HCN1: variants seen among roughly 807,000 people sequenced by gnomAD.
The protein encoded by HCN1 is hyperpolarization activated cyclic nucleotide gated potassium channel 1.
Under a neutral mutation model 78.9 loss-of-function variants are expected in HCN1, and 13 were observed. The observed-to-expected ratio is 0.16, with a 90% CI of 0.11 to 0.26. The LOEUF (loss-of-function observed/expected upper bound fraction) is 0.26, where lower values mean the gene tolerates loss of function less well. Ranked by LOEUF, HCN1 falls within the 10% of genes least tolerant of loss-of-function variation. HCN1 has a pLI of 1.00. For missense variants in HCN1, 810 were observed against 1,154.3 expected, an observed-to-expected ratio of 0.70 and a Z score of 4.32; for synonymous variants, 552 against 455.5, an observed-to-expected ratio of 1.21 and a Z score of -2.70.
intron 2 of HCN1, among the ~76,000 whole-genome samples, chr5:45,498,081 G>A (rs569940630): frequency 3.4e-4 from 52 of 152,124 alleles, no homozygotes; most frequent in Non-Finnish European, 5.1e-4. Flanking sequence ...TGCTCTTCTC[G>A]AGGAGTATCT....
intron 5 of HCN1, among the ~76,000 whole-genome samples, chr5:45,333,468 G>A (rs1013065428): frequency 1.3e-5 from 2 of 151,268 alleles, no homozygotes; most frequent in South Asian, 2.1e-4. Flanking sequence ...TTCTTTTAAC[G>A]TCCAGAAGCT....
intron 1 of HCN1, among the ~76,000 whole-genome samples, chr5:45,664,044 A>G (rs1280771550): frequency 3.0e-5 from 4 of 135,294 alleles, no homozygotes; most frequent in African/African-American, 1.1e-4. Context: ...AATAGCAAAG[A>G]CTTGGAACCA....
In HCN1 at chr5:45,350,802, G is replaced by A. The variant is rs566974926; in HGVS notation, c.1377+2298C>T. ...TGCTTCAAAGAGAATAAAATACCTG[G>A]GAATCCAACTTACAAGGGACGTGAA... On this transcript the variant is annotated intron_variant, in intron 5 of 7. Coordinates refer to ENST00000303230, the MANE Select transcript of HCN1 (RefSeq NM_021072.4). Among the ~76,000 whole-genome samples, 26 of 152,096 alleles carry A rather than the reference G, an allele frequency of 1.7e-4. 1 individual carries two copies. The highest frequency in any genetic ancestry group is 6.3e-4 in the African/African-American group (26 of 41,468).
At chr5:45,546,012 A>G (rs932687821) in intron 2 of HCN1, among the ~76,000 whole-genome samples, 5 of 152,036 alleles carry the variant, frequency 3.3e-5, no homozygotes, top group African/African-American at 4.8e-5. Context: ...TATTTACCCA[A>G]TTTAACTCAT....
chr5:45,378,504 T>C (rs913111939), intron 4 of HCN1, among the ~76,000 whole-genome samples: 1 of 152,100 alleles, frequency 6.6e-6, no homozygotes, highest in Non-Finnish European at 1.5e-5. Context: ...TACCTCTAAC[T>C]GGAAAATTTA....
intron 2 of HCN1, among the ~76,000 whole-genome samples, chr5:45,584,878 A>T (rs1744174541): frequency 6.6e-6 from 1 of 152,208 alleles, no homozygotes; most frequent in Non-Finnish European, 1.5e-5. Context: ...TCTGGCTTAT[A>T]GAGTTTCTGC....
rs558253892 is a variant in HCN1 at position 45,445,217 on chromosome 5, C to T, written c.1011+16629G>A. On this transcript the variant is annotated intron_variant, in intron 3 of 7. Coordinates refer to ENST00000303230, the MANE Select transcript of HCN1 (RefSeq NM_021072.4). The stretch of plus-strand genomic sequence containing the variant: ...CTTTTCTGACGGGCTTAGAAAACGG[C>T]GCACCAGGAGATTATATCCCGCACC... Among the ~76,000 whole-genome samples the T allele has an allele frequency of 1.5e-3, 233 of 152,290 alleles. 1 individual carries two copies. Among genetic ancestry groups the T allele is most frequent in the Non-Finnish European group, 2.4e-3 (166 of 68,016 alleles).
intron 4 of HCN1, among the ~76,000 whole-genome samples, chr5:45,363,930 T>C (rs1747177871): frequency 6.6e-6 from 1 of 152,054 alleles, no homozygotes; most frequent in Non-Finnish European, 1.5e-5. Context: ...AATGGGCTAA[T>C]ACACGTGGTC....
intron 1 of HCN1, among the ~76,000 whole-genome samples, chr5:45,659,775 G>A (rs1326746579): frequency 8.7e-6 from 1 of 114,928 alleles, no homozygotes; most frequent in East Asian, 2.9e-4. Context: ...AAAGAAATGA[G>A]CAAAGCCTCC....
At chr5:45,372,166 TA>T (rs369566332) in intron 4 of HCN1, among the ~76,000 whole-genome samples, 15,006 of 65,496 alleles carry the variant, frequency 0.23, 2,542 homozygotes, top group African/African-American at 0.51. Context: ...TGTTATTATA[TA>T]TAATTATATT....
At chr5:45,546,587 G>A (rs775096027) in intron 2 of HCN1, among the ~76,000 whole-genome samples, 11 of 151,500 alleles carry the variant, frequency 7.3e-5, no homozygotes, top group African/African-American at 2.2e-4. Flanking sequence ...CTATTACTTC[G>A]TTTCTTTATA....
intron 5 of HCN1, among the ~76,000 whole-genome samples, chr5:45,342,866 A>G (rs1452785582): frequency 2.6e-5 from 4 of 152,284 alleles, no homozygotes; most frequent in Admixed American, 6.5e-5. Flanking sequence ...TTCCTTGCAC[A>G]TAGGGGACTT....
intron 3 of HCN1, among the ~76,000 whole-genome samples, chr5:45,420,193 C>T (rs1740199209): frequency 6.6e-6 from 1 of 152,100 alleles, no homozygotes; most frequent in Non-Finnish European, 1.5e-5. Context: ...ATATAGAAAA[C>T]ATGATTATAA....
rs531512653 is a variant in HCN1, at chr5:45,293,479, A to AAAAACAAAACAAAAC, written c.1618+10105_1618+10119dup. Among the ~76,000 whole-genome samples the AAAAACAAAACAAAAC allele has an allele frequency of 6.2e-4, 94 of 151,940 alleles. 1 individual carries two copies. In the East Asian group the frequency reaches 0.01, roughly 16 times the overall value. ...GGTGACAGAGCAAGACATGGTCTAC[A>AAAAACAAAACAAAAC]AAAACAAAACAAAACAAAACAAAAC... is the stretch of plus-strand genomic sequence containing the variant. On this transcript the variant is annotated intron_variant, in intron 6 of 7. Transcript: ENST00000303230.
intron 2 of HCN1, among the ~76,000 whole-genome samples, chr5:45,492,438 ATCT>A (rs1308810843): frequency 8.4e-5 from 12 of 142,268 alleles, no homozygotes; most frequent in African/African-American, 2.9e-4. Context: ...TTGAAGTAAA[ATCT>A]TCTTTTCTTA....
intron 1 of HCN1, among the ~76,000 whole-genome samples, chr5:45,691,769 C>A (rs901778301): frequency 6.6e-6 from 1 of 152,114 alleles, no homozygotes; most frequent in Non-Finnish European, 1.5e-5. Flanking sequence ...CTATTATGAA[C>A]TGTATAATAT....
At chr5:45,551,987 C>T (rs1483803889) in intron 2 of HCN1, among the ~76,000 whole-genome samples, 7 of 151,868 alleles carry the variant, frequency 4.6e-5, no homozygotes, top group Admixed American at 4.6e-4. Flanking sequence ...AAAATATATA[C>T]ACAGTGACCA....
At chr5:45,681,696 A>G (rs1439051590) in intron 1 of HCN1, among the ~76,000 whole-genome samples, 1 of 152,158 alleles carries the variant, frequency 6.6e-6, no homozygotes, top group African/African-American at 2.4e-5. Context: ...TTAAAGGTGC[A>G]CTGTTAAATC....
intron 5 of HCN1, among the ~76,000 whole-genome samples, chr5:45,318,413 G>A (rs531375180): frequency 1.9e-3 from 288 of 152,096 alleles, no homozygotes; most frequent in Non-Finnish European, 3.2e-3. Context: ...AGGGCCTGTC[G>A]TGGGGTGGGG....
Sources: allele counts gnomAD v4.1 joint callset (sites outside exome capture counted in the v4.1 genomes callset), GRCh38; gene constraint gnomAD v4.1.1; transcripts MANE v1.5; gene names NCBI Gene and HGNC (gene_info 2026-07-23, HGNC 2026-07-21).